Variants in AOPEP observed in about 807,000 individuals in gnomAD.
AOPEP encodes the protein aminopeptidase O.
AOPEP carries 77 observed loss-of-function variants against 98.1 expected under a neutral mutation model. The ratio of observed to expected loss-of-function variants is 0.78; its 90% CI spans 0.65 to 0.95. The LOEUF (loss-of-function observed/expected upper bound fraction) is 0.95, where lower values mean the gene tolerates loss of function less well. Among genes scored for constraint, AOPEP ranks in the 40% least tolerant of loss-of-function variants. The pLI is 0.00. For synonymous variants in AOPEP, 346 were observed against 365.3 expected (o/e 0.95, Z 0.60); for missense variants, 1,024 against 1,024.7 (o/e 1.00, Z 0.01).
rs572503362 is a variant in AOPEP at position 94,982,916 on chromosome 9, CAAATACACTAGAAAT to C, written c.1977+3509_1977+3523del. On this transcript the variant is annotated intron_variant, in intron 11 of 16. Transcript: ENST00000375315. ...AGTCTTCTTTTAAAACATTTATATG[CAAATACACTAGAAAT>C]AAATACACTAGAAATAAATTTCTGC... Among the ~76,000 whole-genome samples the C allele has an allele frequency of 1.9e-4, 29 of 152,304 alleles. No homozygotes were observed. In the South Asian group the frequency reaches 3.9e-3, roughly 21 times the overall value.
At chr9:95,114,533 G>C in the AOPEP span, 11 of 1,103,034 alleles carry the variant, frequency 1.0e-5, no homozygotes, top group Non-Finnish European at 1.5e-5. Flanking sequence ...TCCCAGACCA[G>C]TAATGCCTTC....
At chr9:94,949,067 G>A (rs959316254) in intron 7 of AOPEP, among the ~76,000 whole-genome samples, 1 of 152,184 alleles carries the variant, frequency 6.6e-6, no homozygotes, top group African/African-American at 2.4e-5. Flanking sequence ...TTGGCTCTCC[G>A]TTTTTCTCTG....
intron 5 of AOPEP, among the ~76,000 whole-genome samples, chr9:94,819,966 GA>G (rs559252449): frequency 0.13 from 7,970 of 61,088 alleles, 339 homozygotes; most frequent in Middle Eastern, 0.24. Flanking sequence ...TTTTTTTTGA[GA>G]TGGAGTCTCG....
intron 1 of AOPEP, among the ~76,000 whole-genome samples, chr9:94,740,663 G>T (rs1205359129): frequency 6.6e-6 from 1 of 152,118 alleles, no homozygotes; most frequent in Non-Finnish European, 1.5e-5. Context: ...AAGATCACAT[G>T]CCAGAAAGTT....
At chr9:95,088,507 C>CCT (rs59531935), downstream of AOPEP, among the ~76,000 whole-genome samples, 96,881 of 148,940 alleles carry the variant, frequency 0.65, 31,632 homozygotes, top group Non-Finnish European at 0.71. Context: ...CTGTACCCGG[C>CCT]CTCTCTCTCT....
intron 5 of AOPEP, chr9:94,904,433 C>T (rs1411050780): frequency 6.6e-6 from 1 of 152,176 alleles, no homozygotes; most frequent in African/African-American, 2.4e-5. Flanking sequence ...GCAGATAGAG[C>T]TCTGAATCTC....
the AOPEP span, among the ~76,000 whole-genome samples, chr9:95,096,839 G>A: frequency 4.5e-4 from 69 of 152,246 alleles, no homozygotes; most frequent in Admixed American, 2.1e-3. Context: ...GTTCATGAAC[G>A]TTTACTGTCC....
At chr9:95,041,779 G>A (rs73657034) in intron 13 of AOPEP, among the ~76,000 whole-genome samples, 2,560 of 151,906 alleles carry the variant, frequency 0.017, 79 homozygotes, top group African/African-American at 0.058. Flanking sequence ...GCTTTGCCTC[G>A]GCCTCCGTGG....
At position 94,839,841 on chromosome 9, in the gene AOPEP, T is replaced by G. The variant is rs551234175; in HGVS notation, c.1364+38839T>G. ...TGGAGTGCAGTGGTACAATGATAGC[T>G]CACTACAGTGTCAACCTCCTGGGCC... is the stretch of plus-strand genomic sequence containing the variant. On this transcript the variant is annotated intron_variant, in intron 5 of 16. Transcript: ENST00000375315. 2.0e-5 allele frequency among the ~76,000 whole-genome samples: 3 copies of G among 152,212 alleles called. No individual in the cohort carries two copies. The East Asian group carries it at 5.8e-4, about 29-fold the overall frequency.
chr9:94,870,243 G>A (rs1440453687), intron 5 of AOPEP, among the ~76,000 whole-genome samples: 2 of 152,202 alleles, frequency 1.3e-5, no homozygotes, highest in East Asian at 1.9e-4. Flanking sequence ...GCCCGCCTCC[G>A]CCTCCCAAAG....
At chr9:94,798,889 C>T (rs922267878) in intron 4 of AOPEP, among the ~76,000 whole-genome samples, 1 of 152,202 alleles carries the variant, frequency 6.6e-6, no homozygotes, top group Non-Finnish European at 1.5e-5. Flanking sequence ...TAAATGTTCA[C>T]CAACAGGCAC....
chr9:94,767,591 G>A (rs1839907289), intron 2 of AOPEP, among the ~76,000 whole-genome samples: 1 of 152,170 alleles, frequency 6.6e-6, no homozygotes, highest in South Asian at 2.1e-4. Context: ...TGTAAAACGA[G>A]AAGATTCCAT....
At chr9:95,097,925 G>T in the AOPEP span, among the ~76,000 whole-genome samples, 1 of 152,062 alleles carries the variant, frequency 6.6e-6, no homozygotes, top group Admixed American at 6.5e-5. Context: ...AGGATTTTTC[G>T]ACAAAATCTA....
At chr9:94,892,818 A>G (rs922423012) in intron 5 of AOPEP, among the ~76,000 whole-genome samples, 15 of 152,062 alleles carry the variant, frequency 9.9e-5, no homozygotes, top group African/African-American at 3.4e-4. Flanking sequence ...GGCTCAAGCA[A>G]TCCTCCTGCC....
downstream of AOPEP, among the ~76,000 whole-genome samples, chr9:95,087,929 G>A (rs929414537): frequency 6.6e-6 from 1 of 152,216 alleles, no homozygotes; most frequent in Non-Finnish European, 1.5e-5. Flanking sequence ...GGCCTGTTTG[G>A]GGTGAAGTGG....
At chr9:94,944,636 C>T (rs181749426) in intron 7 of AOPEP, among the ~76,000 whole-genome samples, 2 of 152,280 alleles carry the variant, frequency 1.3e-5, no homozygotes, top group African/African-American at 4.8e-5. Flanking sequence ...ACGATCATGG[C>T]TCACTGCAGC....
intron 13 of AOPEP, among the ~76,000 whole-genome samples, chr9:95,023,001 A>G (rs2063575503): frequency 6.6e-6 from 1 of 152,108 alleles, no homozygotes; most frequent in African/African-American, 2.4e-5. Flanking sequence ...GATCAGACAA[A>G]CTGATTGAAA....
chr9:94,802,394 T>C (rs1848392179), intron 5 of AOPEP, among the ~76,000 whole-genome samples: 1 of 152,144 alleles, frequency 6.6e-6, no homozygotes, highest in Non-Finnish European at 1.5e-5. Flanking sequence ...AAAGGCAGAG[T>C]ATTTTTCATG....
chr9:95,148,299 A>T, the AOPEP span, among the ~76,000 whole-genome samples: 1 of 152,230 alleles, frequency 6.6e-6, no homozygotes. Flanking sequence ...AAAGCACTCC[A>T]CTTGTACACC....
Sources: allele counts gnomAD v4.1 joint callset (sites outside exome capture counted in the v4.1 genomes callset), GRCh38; gene constraint gnomAD v4.1.1; transcripts MANE v1.5; gene names NCBI Gene and HGNC (gene_info 2026-07-23, HGNC 2026-07-21).